CNBD1: variants seen among roughly 807,000 people sequenced by gnomAD.
The protein encoded by CNBD1 is cyclic nucleotide-binding domain-containing protein 1.
In CNBD1, 71 loss-of-function variants were observed where a neutral mutation model predicts 54.4. The observed-to-expected ratio is 1.30, with a 90% CI of 1.08 to 1.59. The LOEUF is 1.59. CNBD1 is among the 40% of genes most tolerant of loss of function. The pLI, the probability that CNBD1 is intolerant of heterozygous loss-of-function variation, is 0.00. For missense variants in CNBD1, 659 were observed against 518.0 expected (o/e 1.27, Z -2.64); for synonymous variants, 182 against 170.7 (o/e 1.07, Z -0.51).
intron 4 of CNBD1, among the ~76,000 whole-genome samples, chr8:86,980,235 G>C (rs1282337822): frequency 6.6e-6 from 1 of 152,210 alleles, no homozygotes; most frequent in East Asian, 1.9e-4. Context: ...AGACCTCCAA[G>C]GTGCTTATTT....
intron 2 of CNBD1, among the ~76,000 whole-genome samples, chr8:87,395,317 T>G (rs1811389934): frequency 6.6e-6 from 1 of 151,890 alleles, no homozygotes; most frequent in South Asian, 2.1e-4. Flanking sequence ...TTGCCAGTAG[T>G]GAAAATAATG....
In CNBD1 at chr8:87,174,323, G is replaced by A. The variant is rs775642733; in HGVS notation, c.432-31670G>A. Among the ~76,000 whole-genome samples, 46 of 151,902 alleles carry A rather than the reference G, an allele frequency of 3.0e-4. 1 individual carries two copies. The highest frequency in any genetic ancestry group is 1.0e-4 in the Non-Finnish European group (7 of 67,992). On this transcript the variant is annotated intron_variant, in intron 4 of 10. Transcript: ENST00000518476. Reference sequence around the variant, plus strand: ...TCAAATAACCTGTGTTCAAGCTCACGAATTCTTTCTTTGGCTGATAAATTC... The same window carrying A: ...TCAAATAACCTGTGTTCAAGCTCACAAATTCTTTCTTTGGCTGATAAATTC...
intron 2 of CNBD1, among the ~76,000 whole-genome samples, chr8:86,893,209 TAATTCAAGGC>T (rs1808798913): frequency 6.6e-6 from 1 of 152,214 alleles, no homozygotes; most frequent in Non-Finnish European, 1.5e-5. Flanking sequence ...TGGAGGCTTA[TAATTCAAGGC>T]ATGCCTATTC....
chr8:87,390,716 T>A (rs1024113511), intron 2 of CNBD1, among the ~76,000 whole-genome samples: 2 of 152,126 alleles, frequency 1.3e-5, no homozygotes, highest in African/African-American at 4.8e-5. Flanking sequence ...AGAAATACCA[T>A]TTGACCCAGC....
intron 1 of CNBD1, among the ~76,000 whole-genome samples, chr8:86,875,198 A>G (rs1808502163): frequency 6.6e-6 from 1 of 151,824 alleles, no homozygotes; most frequent in East Asian, 1.9e-4. Context: ...TCTATCTTCC[A>G]TATTCACTGC....
chr8:87,106,297 T>C (rs2051644119), intron 4 of CNBD1, among the ~76,000 whole-genome samples: 1 of 151,872 alleles, frequency 6.6e-6, no homozygotes, highest in Admixed American at 6.6e-5. Context: ...CACTGAAACC[T>C]CTCCCTCCTG....
intron 5 of CNBD1, among the ~76,000 whole-genome samples, chr8:87,217,053 G>T (rs1814227859): frequency 6.6e-6 from 1 of 152,030 alleles, no homozygotes; most frequent in African/African-American, 2.4e-5. Flanking sequence ...TATGGCACTG[G>T]CCTGAATTTA....
chr8:87,273,325 G>A lies in CNBD1; in HGVS notation c.772-11353G>A, dbSNP rs535695714. 2.0e-5 allele frequency among the ~76,000 whole-genome samples: 3 copies of A among 151,994 alleles called. No individual in the cohort carries two copies. The South Asian group carries it at 6.2e-4, about 32-fold the overall frequency. The stretch of plus-strand genomic sequence containing the variant: ...CATGATGGGTGACTGTTGGAATTTA[G>A]TTAATAACTAACTGGGCACATAGGA... On this transcript the variant is annotated intron_variant, in intron 6 of 10. Coordinates refer to ENST00000518476, the MANE Select transcript of CNBD1 (RefSeq NM_173538.3).
Position 86,943,866 on chromosome 8 carries a change from GAAC to G in CNBD1, c.431+4119_431+4121del, listed in dbSNP as rs150829028. On this transcript the variant is annotated intron_variant, in intron 4 of 10. Coordinates refer to ENST00000518476, the MANE Select transcript of CNBD1 (RefSeq NM_173538.3). ...ATATCAGGTAGCTCTCAGAATAGAA[GAAC>G]AACAACTAGATGCTGGAGATACAAA... Among the ~76,000 whole-genome samples, 422 of 152,128 alleles carry G rather than the reference GAAC, an allele frequency of 2.8e-3. 3 individuals are homozygous for G. The highest frequency in any genetic ancestry group is 9.9e-3 in the African/African-American group (410 of 41,500).
At chr8:87,411,952 A>C (rs1441585953) in intron 2 of CNBD1, among the ~76,000 whole-genome samples, 1 of 152,088 alleles carries the variant, frequency 6.6e-6, no homozygotes, top group Admixed American at 6.6e-5. Context: ...AGTGTTTGAC[A>C]TAGCTTTTTT....
At chr8:87,310,395 T>A (rs1809241043) in intron 8 of CNBD1, among the ~76,000 whole-genome samples, 1 of 151,652 alleles carries the variant, frequency 6.6e-6, no homozygotes. Context: ...CACAAAAAAA[T>A]AAATACGTAG....
intron 4 of CNBD1, among the ~76,000 whole-genome samples, chr8:86,998,915 T>G (rs1390437547): frequency 2.6e-5 from 4 of 152,202 alleles, no homozygotes; most frequent in Non-Finnish European, 5.9e-5. Flanking sequence ...TCTGTGTAAC[T>G]GTGTTTTATT....
intron 8 of CNBD1, among the ~76,000 whole-genome samples, chr8:87,343,769 C>T (rs1180506824): frequency 6.6e-6 from 1 of 152,016 alleles, no homozygotes; most frequent in Non-Finnish European, 1.5e-5. Context: ...TATGGGTTTT[C>T]ATAATTTAAT....
chr8:86,871,277 A>G (rs1219209929), intron 1 of CNBD1, among the ~76,000 whole-genome samples: 1 of 152,216 alleles, frequency 6.6e-6, no homozygotes, highest in Non-Finnish European at 1.5e-5. Context: ...CTACTGCTCT[A>G]TCTGCCTATA....
At chr8:87,313,913 G>A (rs181584023) in intron 8 of CNBD1, among the ~76,000 whole-genome samples, 3 of 151,906 alleles carry the variant, frequency 2.0e-5, no homozygotes, top group Non-Finnish European at 2.9e-5. Flanking sequence ...CCCCCATTTT[G>A]TACCTTGCAT....
At position 87,019,217 on chromosome 8, in the gene CNBD1, G is replaced by A. The variant is rs1002439893; in HGVS notation, c.431+79463G>A. ...GTCAGTCTTACAGCTTTTCCTTTTG[G>A]TTTTTCTATCTGCCTTTTTACTTAA... is the stretch of plus-strand genomic sequence containing the variant. On this transcript the variant is annotated intron_variant, in intron 4 of 10. Transcript: ENST00000518476. 3.9e-5 allele frequency among the ~76,000 whole-genome samples: 6 copies of A among 152,154 alleles called. No homozygotes were observed. In the South Asian group the frequency reaches 1.2e-3, roughly 32 times the overall value.
chr8:87,095,643 CAT>C (rs555327157), intron 4 of CNBD1, among the ~76,000 whole-genome samples: 6 of 152,010 alleles, frequency 3.9e-5, no homozygotes, highest in Non-Finnish European at 8.8e-5. Context: ...TCTGAATGAC[CAT>C]ATATATATAT....
At chr8:87,028,499 C>CAAT (rs757828793) in intron 4 of CNBD1, among the ~76,000 whole-genome samples, 1 of 152,136 alleles carries the variant, frequency 6.6e-6, no homozygotes, top group Non-Finnish European at 1.5e-5. Context: ...ATCACTGAGA[C>CAAT]AATAAGTATT....
At chr8:87,271,593 A>T (rs1410883356) in intron 6 of CNBD1, among the ~76,000 whole-genome samples, 4 of 151,992 alleles carry the variant, frequency 2.6e-5, no homozygotes, top group African/African-American at 7.2e-5. Flanking sequence ...TATAAAAAAA[A>T]TTCAGAGAAT....
Sources: gnomAD v4.1 joint callset for allele counts (sites outside exome capture counted in the v4.1 genomes callset) on GRCh38, gnomAD v4.1.1 for gene constraint, MANE v1.5 for transcripts, NCBI Gene and HGNC (gene_info 2026-07-23, HGNC 2026-07-21) for gene names.